Variants in CTNNA3 observed in about 807,000 individuals in gnomAD.
CTNNA3 encodes catenin alpha 3.
In CTNNA3, 76 loss-of-function variants were observed where a neutral mutation model predicts 95.7. The ratio of observed to expected loss-of-function variants is 0.79; its 90% CI spans 0.66 to 0.96. The LOEUF (loss-of-function observed/expected upper bound fraction) is 0.96, where lower values mean the gene tolerates loss of function less well. CTNNA3 is among the 40% of genes least tolerant of loss of function. CTNNA3 has a pLI of 0.00. For missense variants in CTNNA3, 1,191 were observed against 1,089.8 expected (o/e 1.09, Z -1.31); for synonymous variants, 431 against 374.4 (o/e 1.15, Z -1.74).
intron 3 of CTNNA3, among the ~76,000 whole-genome samples, chr10:67,596,391 T>G (rs190526965): frequency 6.6e-6 from 1 of 152,326 alleles, no homozygotes; most frequent in Admixed American, 6.5e-5. Flanking sequence ...CCCATATGCT[T>G]ATTGTTCCAA....
intron 13 of CTNNA3, among the ~76,000 whole-genome samples, chr10:66,116,605 A>G (rs183634918): frequency 9.2e-5 from 14 of 152,340 alleles, no homozygotes; most frequent in African/African-American, 3.1e-4. Context: ...AATTATACTG[A>G]GTAAAAGAAG....
intron 11 of CTNNA3, among the ~76,000 whole-genome samples, chr10:66,382,726 A>G (rs987825595): frequency 1.3e-5 from 2 of 152,116 alleles, no homozygotes; most frequent in Admixed American, 1.3e-4. Context: ...CTCTGGGATG[A>G]AGCTTCCAGA....
intron 12 of CTNNA3, among the ~76,000 whole-genome samples, chr10:66,335,531 G>T (rs1441960989): frequency 6.6e-6 from 1 of 152,124 alleles, no homozygotes; most frequent in East Asian, 1.9e-4. Context: ...AGCAGCAGAA[G>T]CTGCAGAACA....
chr10:66,793,064 T>C (rs576725028), intron 7 of CTNNA3, among the ~76,000 whole-genome samples: 5 of 152,112 alleles, frequency 3.3e-5, no homozygotes, highest in African/African-American at 1.2e-4. Context: ...GAGAATTAGG[T>C]TTGTAATCTA....
rs369919429 is a variant in CTNNA3 at position 67,406,286 on chromosome 10, C to A, written c.579+115556G>T. ...ATAGCAGCATGAAAACAAATTAATA[C>A]CCCACAAAATTACATGGAAATTGAA... is the stretch of plus-strand genomic sequence containing the variant. On this transcript the variant is annotated intron_variant, in intron 5 of 17. Transcript: ENST00000433211. 3.6e-4 allele frequency among the ~76,000 whole-genome samples: 55 copies of A among 152,128 alleles called. 1 individual carries two copies. The East Asian group carries it at 6.6e-3, about 18-fold the overall frequency.
At chr10:66,810,082 T>C (rs1589279735) in intron 7 of CTNNA3, among the ~76,000 whole-genome samples, 1 of 152,104 alleles carries the variant, frequency 6.6e-6, no homozygotes. Flanking sequence ...TGGGATTGAA[T>C]TGCAGATTTT....
chr10:67,170,666 G>A (rs909197393), intron 7 of CTNNA3, among the ~76,000 whole-genome samples: 1 of 152,048 alleles, frequency 6.6e-6, no homozygotes, highest in Non-Finnish European at 1.5e-5. Flanking sequence ...TAACTACTGG[G>A]TACCAGGCTT....
intron 10 of CTNNA3, among the ~76,000 whole-genome samples, chr10:66,609,955 T>C (rs928140102): frequency 2.6e-5 from 4 of 152,068 alleles, no homozygotes; most frequent in African/African-American, 4.8e-5. Context: ...TGCAGTAACA[T>C]GGATGGAGCT....
At chr10:67,720,129 C>CTGTTTTTTTTTTTTT (rs1841170774) in intron 1 of CTNNA3, among the ~76,000 whole-genome samples, 1 of 6,614 alleles carries the variant, frequency 1.5e-4, no homozygotes, top group African/African-American at 6.7e-4. Context: ...GCAACCCCTG[C>CTGTTTTTTTTTTTTT]TTTTTTTTTT....
intron 2 of CTNNA3, among the ~76,000 whole-genome samples, chr10:67,626,433 G>A (rs532795814): frequency 3.8e-4 from 58 of 152,094 alleles, no homozygotes; most frequent in African/African-American, 1.3e-3. Context: ...GGCTTTTTTG[G>A]TTCTGAATCA....
intron 9 of CTNNA3, among the ~76,000 whole-genome samples, chr10:66,723,308 A>G (rs1260934185): frequency 6.6e-6 from 1 of 152,126 alleles, no homozygotes; most frequent in Non-Finnish European, 1.5e-5. Context: ...CCTAACTTTT[A>G]TGGCTATTAA....
At chr10:67,523,617 A>G (rs1840050491) in intron 4 of CTNNA3, among the ~76,000 whole-genome samples, 1 of 152,092 alleles carries the variant, frequency 6.6e-6, no homozygotes, top group Non-Finnish European at 1.5e-5. Flanking sequence ...TGACGGAGGG[A>G]CTCAGACCAC....
At chr10:66,313,031 C>T (rs1007485605) in intron 12 of CTNNA3, among the ~76,000 whole-genome samples, 4 of 152,100 alleles carry the variant, frequency 2.6e-5, no homozygotes, top group Admixed American at 6.5e-5. Context: ...TCACCATTAC[C>T]GGACGAAGGA....
intron 4 of CTNNA3, among the ~76,000 whole-genome samples, chr10:67,533,044 G>A (rs1589397079): frequency 6.6e-6 from 1 of 152,224 alleles, no homozygotes; most frequent in Middle Eastern, 3.4e-3. Flanking sequence ...AGATGCCAAG[G>A]TGGGCACGGT....
At chr10:67,410,859 C>A (rs1845340422) in intron 5 of CTNNA3, among the ~76,000 whole-genome samples, 1 of 152,096 alleles carries the variant, frequency 6.6e-6, no homozygotes, top group Non-Finnish European at 1.5e-5. Context: ...CAGGGGGAAC[C>A]TGTTCAGCCT....
At chr10:66,965,362 C>G (rs1195522696) in intron 7 of CTNNA3, among the ~76,000 whole-genome samples, 1 of 151,848 alleles carries the variant, frequency 6.6e-6, no homozygotes, top group Non-Finnish European at 1.5e-5. Context: ...TGGTGAAACC[C>G]TGTCTCTACT....
chr10:67,199,019 G>A (rs1863510914), intron 6 of CTNNA3, among the ~76,000 whole-genome samples: 1 of 151,704 alleles, frequency 6.6e-6, no homozygotes, highest in South Asian at 2.1e-4. Context: ...GAGAGAAAGA[G>A]GAGGGAGATG....
At position 65,920,063 on chromosome 10, in the gene CTNNA3, T is replaced by C. The variant is rs1046406562; in HGVS notation, c.*267A>G. On this transcript the variant is annotated 3_prime_UTR_variant, in exon 18 of 18. Coordinates refer to ENST00000433211, the MANE Select transcript of CTNNA3 (RefSeq NM_013266.4). ...TTGGTAACGAATAGTAGATAATCTC[T>C]ATGATGGGAAACGCTGAATGACACG... 6.4e-6 allele frequency: 3 copies of C among 469,646 alleles called. No individual in the cohort carries two copies. The highest frequency in any genetic ancestry group is 2.0e-5 in the African/African-American group (1 of 51,248). The allele number at this position is 469,646 out of a possible 1,614,324, so 29.1% of individuals were successfully genotyped here.
At chr10:67,615,193 T>C (rs1843608181) in intron 2 of CTNNA3, among the ~76,000 whole-genome samples, 1 of 152,208 alleles carries the variant, frequency 6.6e-6, no homozygotes. Flanking sequence ...TTTAGGGTTT[T>C]GTTTGTTTGT....
Sources: allele counts gnomAD v4.1 joint callset (sites outside exome capture counted in the v4.1 genomes callset), GRCh38; gene constraint gnomAD v4.1.1; transcripts MANE v1.5; gene names NCBI Gene and HGNC (gene_info 2026-07-23, HGNC 2026-07-21).